ME3: variants seen among roughly 807,000 people sequenced by gnomAD.
ME3 encodes NADP-dependent malic enzyme, mitochondrial.
A neutral mutation model predicts 68.9 loss-of-function variants in ME3; 48 were observed. That is an observed-to-expected ratio of 0.70 (90% CI 0.55 to 0.89). The LOEUF (loss-of-function observed/expected upper bound fraction) is 0.89, where lower values mean the gene tolerates loss of function less well. ME3 is among the 40% of genes least tolerant of loss of function. The pLI is 0.00. For synonymous variants in ME3, 320 were observed against 318.8 expected (o/e 1.00, Z -0.04); for missense variants, 675 against 797.4 (o/e 0.85, Z 1.85).
chr11:86,463,018 C>T (rs545964842), intron 8 of ME3, among the ~76,000 whole-genome samples: 12 of 152,184 alleles, frequency 7.9e-5, no homozygotes, highest in African/African-American at 2.9e-4. Flanking sequence ...AGAAAGATCC[C>T]GAAGTCTTAT....
intron 7 of ME3, among the ~76,000 whole-genome samples, chr11:86,484,767 C>T (rs1239107166): frequency 1.3e-5 from 2 of 152,182 alleles, no homozygotes; most frequent in African/African-American, 4.8e-5. Flanking sequence ...ACAGGTGACA[C>T]AGCATTGTAG....
chr11:86,516,002 A>G (rs1674574501), intron 4 of ME3, among the ~76,000 whole-genome samples: 1 of 152,138 alleles, frequency 6.6e-6, no homozygotes, highest in Admixed American at 6.5e-5. Context: ...AGTTACTGCA[A>G]TCTGAACACT....
chr11:86,560,748 G>GTGTGTATATATATATATATATA (rs1243025217), intron 2 of ME3, among the ~76,000 whole-genome samples: 1 of 62,526 alleles, frequency 1.6e-5, no homozygotes, highest in African/African-American at 5.9e-5. Context: ...GTGTGTGTGT[G>GTGTGTATATATATATATATATA]TATATATATA....
intron 4 of ME3, among the ~76,000 whole-genome samples, chr11:86,546,816 G>T (rs1293698068): frequency 6.6e-6 from 1 of 152,130 alleles, no homozygotes. Context: ...CCATTACTGG[G>T]TATATACCCA....
intron 2 of ME3, among the ~76,000 whole-genome samples, chr11:86,570,812 T>C (rs1957749240): frequency 6.6e-6 from 1 of 152,098 alleles, no homozygotes; most frequent in African/African-American, 2.4e-5. Flanking sequence ...TAGGATTCAA[T>C]TTTCCTTCCA....
At chr11:86,561,236 A>G (rs1487820293) in intron 2 of ME3, among the ~76,000 whole-genome samples, 1 of 151,914 alleles carries the variant, frequency 6.6e-6, no homozygotes, top group Non-Finnish European at 1.5e-5. Context: ...TTGTTTTGCA[A>G]TTCCTTACTT....
At chr11:86,635,004 C>T (rs1261329825) in intron 2 of ME3, among the ~76,000 whole-genome samples, 2 of 152,132 alleles carry the variant, frequency 1.3e-5, no homozygotes, top group African/African-American at 2.4e-5. Context: ...TACCAGGCAC[C>T]GTTAAAAAAT....
At position 86,465,213 on chromosome 11, in the gene ME3, A is replaced by G; in HGVS notation, c.810-13T>C. The G allele has an allele frequency of 6.3e-7, 1 of 1,589,216 alleles. No individual in the cohort carries two copies. The highest frequency in any genetic ancestry group is 8.6e-7 in the Non-Finnish European group (1 of 1,158,482). ...ATTTATTCCAAACCTGTGTGGAGGG[A>G]GAGGAAGAAACCCATGATTGCCTCT... On this transcript the variant is annotated splice_polypyrimidine_tract_variant and intron_variant, in intron 7 of 14. Coordinates refer to ENST00000543262, the Ensembl canonical transcript of ME3.
At chr11:86,575,927 T>C (rs772775144) in intron 2 of ME3, among the ~76,000 whole-genome samples, 1 of 152,160 alleles carries the variant, frequency 6.6e-6, no homozygotes, top group Non-Finnish European at 1.5e-5. Flanking sequence ...AGTGTGAAAT[T>C]GTGAATAAGA....
intron 2 of ME3, among the ~76,000 whole-genome samples, chr11:86,581,705 A>G (rs1391416229): frequency 6.6e-6 from 1 of 152,132 alleles, no homozygotes; most frequent in Non-Finnish European, 1.5e-5. Context: ...ACATGCCCCA[A>G]ACCAAGCTCA....
intron 2 of ME3, among the ~76,000 whole-genome samples, chr11:86,644,627 C>G (rs1311487104): frequency 6.6e-6 from 1 of 152,240 alleles, no homozygotes. Context: ...ACTGCAGCTT[C>G]TCCTCTGGCT....
chr11:86,627,358 G>A (rs1943727754), intron 2 of ME3, among the ~76,000 whole-genome samples: 1 of 152,094 alleles, frequency 6.6e-6, no homozygotes, highest in Non-Finnish European at 1.5e-5. Flanking sequence ...TCTGTACCAT[G>A]GGTATAAGGA....
intron 2 of ME3, among the ~76,000 whole-genome samples, chr11:86,649,985 A>T (rs1945292226): frequency 2.0e-5 from 3 of 152,346 alleles, no homozygotes; most frequent in African/African-American, 7.2e-5. Flanking sequence ...ACCAAAAAAG[A>T]GCCTATATAG....
chr11:86,506,823 C>G (rs899933002), intron 5 of ME3, among the ~76,000 whole-genome samples: 1 of 152,230 alleles, frequency 6.6e-6, no homozygotes, highest in Non-Finnish European at 1.5e-5. Context: ...CATATCCACT[C>G]AGATTAGTCC....
Position 86,596,804 on chromosome 11 carries a change from G to A in ME3, c.184-36981C>T, listed in dbSNP as rs568455959. Reference sequence around the variant, plus strand: ...CTATGTGTAACTCATTATATCACTTGGCTTCCCTTCTGCTCTCCTTTTCTG... The same window carrying A: ...CTATGTGTAACTCATTATATCACTTAGCTTCCCTTCTGCTCTCCTTTTCTG... On this transcript the variant is annotated intron_variant, in intron 2 of 14. Coordinates refer to ENST00000543262, the Ensembl canonical transcript of ME3. 1.5e-4 allele frequency among the ~76,000 whole-genome samples: 23 copies of A among 152,240 alleles called. 1 individual carries two copies. Among genetic ancestry groups the A allele is most frequent in the African/African-American group, 5.3e-4 (22 of 41,540 alleles).
intron 4 of ME3, among the ~76,000 whole-genome samples, chr11:86,540,243 T>G (rs1955953805): frequency 6.6e-6 from 1 of 152,234 alleles, no homozygotes; most frequent in Non-Finnish European, 1.5e-5. Context: ...GTGAAAATGC[T>G]ACATAAACTG....
chr11:86,472,223 T>G (rs1253369029), intron 7 of ME3, among the ~76,000 whole-genome samples: 5 of 152,054 alleles, frequency 3.3e-5, no homozygotes, highest in African/African-American at 1.2e-4. Context: ...CAGAGGAGGC[T>G]GAAGATGGGG....
At chr11:86,655,882 G>T (rs1945832628) in intron 2 of ME3, among the ~76,000 whole-genome samples, 2 of 152,092 alleles carry the variant, frequency 1.3e-5, no homozygotes, top group Non-Finnish European at 2.9e-5. Flanking sequence ...AATCTACAAA[G>T]AACTCAAACA....
intron 2 of ME3, among the ~76,000 whole-genome samples, chr11:86,604,854 T>C (rs1423105853): frequency 6.6e-6 from 1 of 152,218 alleles, no homozygotes; most frequent in Non-Finnish European, 1.5e-5. Context: ...TTGTATCTTA[T>C]ATGTTTTAAT....
Sources: gnomAD v4.1 joint callset for allele counts (sites outside exome capture counted in the v4.1 genomes callset) on GRCh38, gnomAD v4.1.1 for gene constraint, MANE v1.5 for transcripts, NCBI Gene and HGNC (gene_info 2026-07-23, HGNC 2026-07-21) for gene names.